The following CCDC158 variants were observed in gnomAD, a reference collection of about 807,000 sequenced individuals.
CCDC158 encodes coiled-coil domain containing 158, also known as coiled-coil domain-containing protein 158.
Under a neutral mutation model 138.6 loss-of-function variants are expected in CCDC158, and 116 were observed. The observed-to-expected ratio is 0.84, with a 90% CI of 0.72 to 0.98. The LOEUF is 0.98. Among genes scored for constraint, CCDC158 ranks in the 50% least tolerant of loss-of-function variants. CCDC158 has a pLI of 0.00. For synonymous variants in CCDC158, 436 were observed against 442.4 expected (o/e 0.99, Z 0.18); for missense variants, 1,265 against 1,306.1 (o/e 0.97, Z 0.48).
rs1284757188 is a variant in CCDC158, at chr4:76,371,422, G to A, written c.1144C>T (p.Leu382=). Residue 382 remains leucine (L), a synonymous_variant, in exon 10 of 25, where the codon CTG becomes TTG. Coordinates refer to ENST00000682701, the MANE Select transcript of CCDC158 (RefSeq NM_001394954.1). The stretch of plus-strand genomic sequence containing the variant: ...ATTTTAAAGCATAATCTTACCAACA[G>A]CTTTTGAAGTTGATCATCTAAATTT... The part of the protein sequence containing the change: ...SGNLDDQLQK[L]LADLHKREKE... 1.2e-6 allele frequency: 2 copies of A among 1,613,824 alleles called. No individual in the cohort carries two copies. Among genetic ancestry groups the A allele is most frequent in the Admixed American group, 1.7e-5 (1 of 60,018 alleles).
At chr4:76,367,878 C>G (rs1422451029) in intron 11 of CCDC158, 102 bp from the exon 12 acceptor site, 43 of 1,114,926 alleles carry the variant, frequency 3.9e-5, no homozygotes, top group Non-Finnish European at 5.1e-5. Flanking sequence ...ATGAATTAGG[C>G]AATGTTTAGT....
chr4:76,378,196 G>A (rs537928473), intron 9 of CCDC158, among the ~76,000 whole-genome samples: 1 of 152,302 alleles, frequency 6.6e-6, no homozygotes, highest in South Asian at 2.1e-4. Context: ...CCCTCCTGTG[G>A]CCGGCTGGAG....
At chr4:76,323,169 T>A in intron 24 of CCDC158, 133 bp downstream of exon 24, 1 of 628,524 alleles carries the variant, frequency 1.6e-6, no homozygotes, top group Admixed American at 3.0e-5. Context: ...GTTAAGACCC[T>A]TATATTTAGA....
chr4:76,387,006 T>C (rs1029299004), intron 4 of CCDC158, among the ~76,000 whole-genome samples: 18 of 152,164 alleles, frequency 1.2e-4, no homozygotes, highest in Non-Finnish European at 2.5e-4. Context: ...ACACAAGGAC[T>C]GCAATTCTTA....
chr4:76,326,988 T>A (rs1720590468), intron 22 of CCDC158, among the ~76,000 whole-genome samples: 2 of 152,172 alleles, frequency 1.3e-5, no homozygotes, highest in African/African-American at 4.8e-5. Flanking sequence ...AAATGTGGTA[T>A]TCATATTTTT....
chr4:76,340,654 G>A (rs1721963819), intron 18 of CCDC158, among the ~76,000 whole-genome samples: 1 of 151,932 alleles, frequency 6.6e-6, no homozygotes, highest in African/African-American at 2.4e-5. Flanking sequence ...CCCTTCGGGT[G>A]TCACTGTCTC....
intron 8 of CCDC158, among the ~76,000 whole-genome samples, chr4:76,379,890 T>C (rs1313398595): frequency 6.6e-6 from 1 of 152,064 alleles, no homozygotes; most frequent in African/African-American, 2.4e-5. Context: ...ATTTCCCCCA[T>C]ACTGTTCTCA....
intron 9 of CCDC158, among the ~76,000 whole-genome samples, chr4:76,373,287 T>C (rs1725415536): frequency 6.6e-6 from 1 of 152,252 alleles, no homozygotes; most frequent in Non-Finnish European, 1.5e-5. Flanking sequence ...TGAGAACGTG[T>C]TGATACTTAG....
At chr4:76,360,747 G>T (rs567915475) in intron 13 of CCDC158, among the ~76,000 whole-genome samples, 48 of 152,290 alleles carry the variant, frequency 3.2e-4, no homozygotes, top group Admixed American at 3.1e-3. Flanking sequence ...TAATTAACTT[G>T]TTTTTTATTT....
chr4:76,366,935 A>C (rs1215015222), intron 12 of CCDC158, among the ~76,000 whole-genome samples: 1 of 152,142 alleles, frequency 6.6e-6, no homozygotes, highest in African/African-American at 2.4e-5. Flanking sequence ...ATCGAAGCCA[A>C]GATTCAGCAA....
rs779692728 is a variant in CCDC158, at chr4:76,351,813, C to T, written c.2446-1G>A. On this transcript the variant is annotated splice_acceptor_variant, in intron 16 of 24. Coordinates refer to ENST00000682701, the MANE Select transcript of CCDC158 (RefSeq NM_001394954.1). LOFTEE classifies it high-confidence loss of function. Reference sequence around the variant, plus strand: ...GACATTCTGCAAACTGCAAAGATGCCTACAAATGGAGCAATCATAAATGGT... The same window carrying T: ...GACATTCTGCAAACTGCAAAGATGCTTACAAATGGAGCAATCATAAATGGT... The T allele has an allele frequency of 3.1e-6, 5 of 1,592,122 alleles. No homozygotes were observed. In the Admixed American group the frequency reaches 8.4e-5, roughly 27 times the overall value.
chr4:76,395,636 T>C (rs1159415532), intron 4 of CCDC158, among the ~76,000 whole-genome samples: 1 of 151,792 alleles, frequency 6.6e-6, no homozygotes, highest in East Asian at 1.9e-4. Flanking sequence ...GAAGAGCAAG[T>C]GGCCTGATAC....
chr4:76,345,893 T>A (rs1437618181), intron 18 of CCDC158, among the ~76,000 whole-genome samples: 1 of 152,200 alleles, frequency 6.6e-6, no homozygotes, highest in East Asian at 1.9e-4. Flanking sequence ...AAAACTACTT[T>A]AAATTTCATA....
chr4:76,381,906 C>T (rs1257703284), intron 8 of CCDC158, among the ~76,000 whole-genome samples: 1 of 148,344 alleles, frequency 6.7e-6, no homozygotes, highest in Non-Finnish European at 1.5e-5. Context: ...TGCTCTCGAT[C>T]TCCTGACCTC....
At position 76,367,527 on chromosome 4, in the gene CCDC158, G is replaced by A; in HGVS notation, c.1597C>T (p.Leu533=). The change falls in exon 12 of 25, where the codon CTG becomes TTG. Residue 533 remains leucine, a synonymous_variant. Coordinates refer to ENST00000682701, the MANE Select transcript of CCDC158 (RefSeq NM_001394954.1). ...TCCCCTTCATTTTTCAAGTGTTGCA[G>A]CTCCTGCAATTTCAAGTCCACCCGG... ...RSRVDLKLQE[L]QHLKNEGDHL... The A allele has an allele frequency of 1.2e-6, 2 of 1,614,050 alleles. No individual in the cohort carries two copies. Among genetic ancestry groups the A allele is most frequent in the Non-Finnish European group, 1.7e-6 (2 of 1,180,040 alleles).
At chr4:76,336,031 A>T (rs929435316) in intron 18 of CCDC158, among the ~76,000 whole-genome samples, 4 of 151,690 alleles carry the variant, frequency 2.6e-5, no homozygotes, top group Non-Finnish European at 4.4e-5. Context: ...AATACAAAAA[A>T]ATTAGCCGGG....
At chr4:76,386,888 G>C (rs1726845089) in intron 4 of CCDC158, among the ~76,000 whole-genome samples, 1 of 152,198 alleles carries the variant, frequency 6.6e-6, no homozygotes. Flanking sequence ...GCCCTAGCCA[G>C]AGGGGAATGG....
At chr4:76,346,730 G>T (rs112169968) in intron 18 of CCDC158, among the ~76,000 whole-genome samples, 1,738 of 152,132 alleles carry the variant, frequency 0.011, 32 homozygotes, top group African/African-American at 0.04. Context: ...ACTATCATCA[G>T]AGTGAACAGG....
intron 2 of CCDC158, among the ~76,000 whole-genome samples, chr4:76,410,192 T>G (rs1729181482): frequency 6.6e-6 from 1 of 151,378 alleles, no homozygotes; most frequent in South Asian, 2.1e-4. Context: ...AGAATCCCTT[T>G]TTTTTGTTTT....
Sources: gnomAD v4.1 joint callset for allele counts (sites outside exome capture counted in the v4.1 genomes callset) on GRCh38, gnomAD v4.1.1 for gene constraint, MANE v1.5 for transcripts, NCBI Gene and HGNC (gene_info 2026-07-23, HGNC 2026-07-21) for gene names.